ENTREP2: variants seen among roughly 807,000 people sequenced by gnomAD.
ENTREP2 encodes endosomal transmembrane epsin interactor 2.
chr15:29,421,765 AAGCC>A, the ENTREP2 span, among the ~76,000 whole-genome samples: 1 of 152,206 alleles, frequency 6.6e-6, no homozygotes, highest in African/African-American at 2.4e-5. Context: ...CTCCTAAATT[AAGCC>A]AAAACTCCCA....
the ENTREP2 span, chr15:29,136,324 A>G: frequency 6.8e-7 from 1 of 1,461,786 alleles, no homozygotes. Flanking sequence ...TGTCCCTAGC[A>G]TTCCCACGGG....
At chr15:29,444,202 GAAAGAAAGAA>G in the ENTREP2 span, among the ~76,000 whole-genome samples, 1 of 142,628 alleles carries the variant, frequency 7.0e-6, no homozygotes, top group Non-Finnish European at 1.5e-5. Flanking sequence ...AAGAAAGAAA[GAAAGAAAGAA>G]AGAAAGAAAG....
chr15:29,537,290 C>T, the ENTREP2 span, among the ~76,000 whole-genome samples: 2 of 152,228 alleles, frequency 1.3e-5, no homozygotes, highest in African/African-American at 4.8e-5. Flanking sequence ...CCAGCACCAA[C>T]ATCCTTCCTT....
At chr15:29,381,900 G>A in the ENTREP2 span, 2 of 1,419,880 alleles carry the variant, frequency 1.4e-6, no homozygotes, top group South Asian at 1.2e-5. Flanking sequence ...AAAACACTGT[G>A]AACCGTTTCA....
At chr15:29,438,367 C>T in the ENTREP2 span, among the ~76,000 whole-genome samples, 1,212 of 152,276 alleles carry the variant, frequency 8.0e-3, 24 homozygotes, top group African/African-American at 0.027. Context: ...GTGTGCAAAA[C>T]GAAAGCAGAG....
At chr15:29,633,746 A>T in the ENTREP2 span, among the ~76,000 whole-genome samples, 2 of 152,052 alleles carry the variant, frequency 1.3e-5, no homozygotes, top group African/African-American at 4.8e-5. Context: ...GGATCACCTG[A>T]GCTCGGGAGT....
the ENTREP2 span, among the ~76,000 whole-genome samples, chr15:29,377,865 A>AATAATAATAATAATAAT: frequency 2.7e-4 from 15 of 55,610 alleles, no homozygotes; most frequent in South Asian, 9.7e-4. Flanking sequence ...ATAATAATAA[A>AATAATAATAATAATAAT]AAAATGAGCC....
the ENTREP2 span, among the ~76,000 whole-genome samples, chr15:29,369,710 T>C: frequency 2.4e-4 from 36 of 152,248 alleles, no homozygotes; most frequent in Admixed American, 3.3e-4. Context: ...ATGGATGCTA[T>C]GGTTTGGATG....
chr15:29,386,667 T>C, the ENTREP2 span, among the ~76,000 whole-genome samples: 1 of 152,168 alleles, frequency 6.6e-6, no homozygotes, highest in South Asian at 2.1e-4. Flanking sequence ...ATGGGGCCTC[T>C]GGGAGGTGAT....
chr15:29,183,900 G>C, the ENTREP2 span, among the ~76,000 whole-genome samples: 1 of 152,144 alleles, frequency 6.6e-6, no homozygotes, highest in Non-Finnish European at 1.5e-5. Context: ...AAGAATAGAA[G>C]CAAATATTGT....
chr15:29,347,186 CTTTT>C, the ENTREP2 span, among the ~76,000 whole-genome samples: 18 of 144,410 alleles, frequency 1.2e-4, no homozygotes, highest in Admixed American at 1.2e-3. Flanking sequence ...TTCTTTCTTT[CTTTT>C]TTGAGACAAG....
the ENTREP2 span, among the ~76,000 whole-genome samples, chr15:29,263,556 A>G: frequency 6.6e-6 from 1 of 152,254 alleles, no homozygotes; most frequent in Non-Finnish European, 1.5e-5. Context: ...GGTTATTTAT[A>G]AGAGGAATTA....
the ENTREP2 span, chr15:29,124,698 A>G: frequency 0.089 from 137,862 of 1,550,372 alleles, 8,074 homozygotes; most frequent in African/African-American, 0.22. Context: ...GCTCCCAGGC[A>G]CAGCCTCAGA....
At chr15:29,148,087 C>G in the ENTREP2 span, among the ~76,000 whole-genome samples, 2 of 152,048 alleles carry the variant, frequency 1.3e-5, no homozygotes, top group African/African-American at 4.8e-5. Flanking sequence ...ACATGCAGAA[C>G]AGGCAAATCC....
At chr15:29,298,501 A>G in the ENTREP2 span, among the ~76,000 whole-genome samples, 8 of 152,196 alleles carry the variant, frequency 5.3e-5, no homozygotes, top group Non-Finnish European at 7.4e-5. Context: ...CTGCAGGCAT[A>G]GATAACTACT....
the ENTREP2 span, among the ~76,000 whole-genome samples, chr15:29,262,197 T>G: frequency 2.6e-5 from 4 of 152,134 alleles, no homozygotes; most frequent in African/African-American, 9.7e-5. Context: ...CCTTCCATGG[T>G]TCCTGTTTCC....
chr15:29,183,954 CTCAT>C, the ENTREP2 span, among the ~76,000 whole-genome samples: 1 of 152,110 alleles, frequency 6.6e-6, no homozygotes, highest in African/African-American at 2.4e-5. Flanking sequence ...TTATATTATT[CTCAT>C]ACTTTTCTGC....
At chr15:29,147,922 T>G in the ENTREP2 span, among the ~76,000 whole-genome samples, 1 of 151,858 alleles carries the variant, frequency 6.6e-6, no homozygotes, top group Non-Finnish European at 1.5e-5. Flanking sequence ...ATAAGCAAAA[T>G]GTAGTATACT....
the ENTREP2 span, among the ~76,000 whole-genome samples, chr15:29,383,849 G>A: frequency 2.0e-5 from 3 of 152,190 alleles, no homozygotes; most frequent in Non-Finnish European, 4.4e-5. Flanking sequence ...TCTCACACGT[G>A]TATTTTTTCT....
Sources: allele counts gnomAD v4.1 joint callset (sites outside exome capture counted in the v4.1 genomes callset), GRCh38; gene constraint gnomAD v4.1.1; transcripts MANE v1.5; gene names NCBI Gene and HGNC (gene_info 2026-07-23, HGNC 2026-07-21).